The following ANO2 variants were observed in gnomAD, a reference collection of about 807,000 sequenced individuals.
ANO2 encodes the protein anoctamin-2.
A neutral mutation model predicts 124.2 loss-of-function variants in ANO2; 101 were observed. The observed-to-expected ratio is 0.81, with a 90% CI of 0.69 to 0.96. ANO2 has a LOEUF of 0.96. Among genes scored for constraint, ANO2 ranks in the 40% least tolerant of loss-of-function variants. The pLI, the probability that ANO2 is intolerant of heterozygous loss-of-function variation, is 0.00. For synonymous variants in ANO2, 486 were observed against 482.5 expected (o/e 1.01, Z -0.09); for missense variants, 1,293 against 1,274.5 (o/e 1.01, Z -0.22).
intron 23 of ANO2, among the ~76,000 whole-genome samples, chr12:5,567,093 C>T (rs1941812512): frequency 6.6e-6 from 1 of 152,234 alleles, no homozygotes; most frequent in African/African-American, 2.4e-5. Context: ...AAAGACACAA[C>T]TGAGAGGTGG....
At chr12:5,612,488 T>C (rs529168242) in intron 19 of ANO2, among the ~76,000 whole-genome samples, 168 bp downstream of exon 19, 2 of 152,298 alleles carry the variant, frequency 1.3e-5, no homozygotes, top group African/African-American at 2.4e-5. Flanking sequence ...CAAATCAGAT[T>C]GGCAAGCAAA....
chr12:5,644,890 A>C (rs957734178), intron 15 of ANO2, among the ~76,000 whole-genome samples: 3 of 152,208 alleles, frequency 2.0e-5, no homozygotes, highest in Admixed American at 1.3e-4. Flanking sequence ...ATTTCATTGT[A>C]TTCTGACTTC....
chr12:5,714,978 G>A (rs565651350), intron 14 of ANO2, among the ~76,000 whole-genome samples: 2 of 152,056 alleles, frequency 1.3e-5, no homozygotes, highest in African/African-American at 2.4e-5. Context: ...ACTATCGATG[G>A]GAGTTCACTG....
intron 14 of ANO2, 42 bp from the exon 15 acceptor site, chr12:5,647,843 A>T (rs1057392433): frequency 6.9e-7 from 1 of 1,440,318 alleles, no homozygotes. Context: ...GGAGGCACAA[A>T]TAACAGATAT....
Position 5,597,906 on chromosome 12 carries a change from C to T in ANO2, c.2233+1578G>A, listed in dbSNP as rs192218985. Among the ~76,000 whole-genome samples the T allele has an allele frequency of 1.1e-4, 17 of 152,308 alleles. No homozygotes were observed. The East Asian group carries it at 2.7e-3, about 24-fold the overall frequency. Reference sequence around the variant, plus strand: ...ACATGAAAGGCATAAAGGGGCTACACGTTTCCTTAAACCAGGTCTTGATAT... The same window carrying T: ...ACATGAAAGGCATAAAGGGGCTACATGTTTCCTTAAACCAGGTCTTGATAT... On this transcript the variant is annotated intron_variant, in intron 20 of 24. Transcript: ENST00000682330.
At chr12:5,733,810 T>C (rs1169549102) in intron 13 of ANO2, among the ~76,000 whole-genome samples, 1 of 152,242 alleles carries the variant, frequency 6.6e-6, no homozygotes, top group Non-Finnish European at 1.5e-5. Flanking sequence ...ACCTACCAGG[T>C]GGGGTCTCCT....
chr12:5,616,015 C>A (rs1287365633), intron 16 of ANO2, among the ~76,000 whole-genome samples: 2 of 152,170 alleles, frequency 1.3e-5, no homozygotes, highest in Middle Eastern at 3.4e-3. Flanking sequence ...CAGAAGGACT[C>A]AGAGACACTG....
chr12:5,830,591 CA>C (rs1954119424), intron 5 of ANO2, 102 bp from the exon 6 acceptor site: 1 of 1,034,458 alleles, frequency 9.7e-7, no homozygotes, highest in Admixed American at 2.1e-5. Context: ...AGCAACATAG[CA>C]AGACTTATGA....
chr12:5,940,111 C>T (rs1302512687), intron 1 of ANO2, among the ~76,000 whole-genome samples: 1 of 152,078 alleles, frequency 6.6e-6, no homozygotes, highest in Non-Finnish European at 1.5e-5. Context: ...GGATGGTGAG[C>T]TTGTGTGACA....
chr12:5,649,418 A>T (rs530353303), intron 14 of ANO2, among the ~76,000 whole-genome samples: 2 of 152,328 alleles, frequency 1.3e-5, no homozygotes, highest in Non-Finnish European at 2.9e-5. Context: ...CAATGAGAAC[A>T]AGGTAACTAC....
chr12:5,918,538 C>T (rs1391096556), intron 3 of ANO2, among the ~76,000 whole-genome samples: 1 of 151,164 alleles, frequency 6.6e-6, no homozygotes, highest in African/African-American at 2.4e-5. Flanking sequence ...CTCCCGGGTT[C>T]AAGCGATTCT....
At chr12:5,568,789 G>C (rs1328762166) in intron 23 of ANO2, among the ~76,000 whole-genome samples, 1 of 152,128 alleles carries the variant, frequency 6.6e-6, no homozygotes, top group Non-Finnish European at 1.5e-5. Flanking sequence ...AGCAGGTGAG[G>C]GGTTGAAAGC....
At chr12:5,754,090 C>T (rs1951512503) in intron 10 of ANO2, among the ~76,000 whole-genome samples, 1 of 152,112 alleles carries the variant, frequency 6.6e-6, no homozygotes, top group African/African-American at 2.4e-5. Flanking sequence ...CCTTCCATTC[C>T]TAACTTGTTG....
At chr12:5,667,719 A>T (rs1947798006) in intron 14 of ANO2, among the ~76,000 whole-genome samples, 1 of 152,098 alleles carries the variant, frequency 6.6e-6, no homozygotes, top group Non-Finnish European at 1.5e-5. Context: ...ATCTCCCAAC[A>T]GGCCCCAGTG....
chr12:5,564,865 A>G (rs1202691869), intron 24 of ANO2, among the ~76,000 whole-genome samples: 8 of 152,182 alleles, frequency 5.3e-5, no homozygotes, highest in Non-Finnish European at 1.5e-5. Flanking sequence ...AGAGCCCCCC[A>G]GAGATCTGCC....
At chr12:5,790,547 C>T (rs537657994) in intron 10 of ANO2, among the ~76,000 whole-genome samples, 2 of 152,330 alleles carry the variant, frequency 1.3e-5, no homozygotes, top group East Asian at 3.9e-4. Flanking sequence ...CAAATCTCTG[C>T]TTCCTGCTTA....
rs1400108513 is a variant in ANO2 at position 5,732,539 on chromosome 12, G to A, written c.1526C>T (p.Thr509Met). 8.1e-6 allele frequency: 13 copies of A among 1,613,436 alleles called. No individual in the cohort carries two copies. The highest frequency in any genetic ancestry group is 1.3e-5 in the African/African-American group (1 of 74,884). The change falls in exon 14 of 25, where the codon ACG becomes ATG. Residue 509 changes from threonine (T) to methionine (M), a missense_variant. Coordinates refer to ENST00000682330, the MANE Select transcript of ANO2 (RefSeq NM_001364791.2). ...TCATACCTCATCGCCACACTCCGTC[G>A]TGTTTGTTTCCAATTTCTGGACAGC... ...QSAVQKLETN[T>M]TECGDEDDED...
intron 14 of ANO2, among the ~76,000 whole-genome samples, chr12:5,727,838 G>C (rs2137061034): frequency 7.0e-6 from 1 of 142,266 alleles, no homozygotes; most frequent in Admixed American, 7.1e-5. Flanking sequence ...ACAGAGTCTT[G>C]CTCTGTCCCC....
At chr12:5,866,101 C>A (rs920563286) in intron 3 of ANO2, among the ~76,000 whole-genome samples, 1 of 152,204 alleles carries the variant, frequency 6.6e-6, no homozygotes, top group Admixed American at 6.5e-5. Context: ...GCATATCCAA[C>A]CCTCTGCCAC....
Sources: gnomAD v4.1 joint callset for allele counts (sites outside exome capture counted in the v4.1 genomes callset) on GRCh38, gnomAD v4.1.1 for gene constraint, MANE v1.5 for transcripts, NCBI Gene and HGNC (gene_info 2026-07-23, HGNC 2026-07-21) for gene names.